The following CASQ2 variants were observed in gnomAD, a reference collection of about 807,000 sequenced individuals.
CASQ2 encodes calsequestrin-2.
CASQ2 carries 49 observed loss-of-function variants against 46.5 expected under a neutral mutation model. The observed-to-expected ratio is 1.05, with a 90% CI of 0.84 to 1.34. The LOEUF (loss-of-function observed/expected upper bound fraction) is 1.34, where lower values mean the gene tolerates loss of function less well. CASQ2 is among the 40% of genes most tolerant of loss of function. The pLI is 0.00. For synonymous variants in CASQ2, 174 were observed against 168.5 expected (o/e 1.03, Z -0.25); for missense variants, 486 against 481.3 (o/e 1.01, Z -0.09).
intron 1 of CASQ2, among the ~76,000 whole-genome samples, chr1:115,761,038 A>G (rs1294793517): frequency 2.0e-5 from 3 of 152,078 alleles, no homozygotes; most frequent in Admixed American, 6.5e-5. Flanking sequence ...GATTTTATAG[A>G]TGATTTTACA....
rs1249557657 is a variant in CASQ2, at chr1:115,700,335, A to T, written c.*906T>A. 1 of 152,552 alleles carries T rather than the reference A, an allele frequency of 6.6e-6. No homozygotes were observed. Among genetic ancestry groups the T allele is most frequent in the African/African-American group, 2.4e-5 (1 of 41,432 alleles). 9.4% of individuals were successfully genotyped at this position (152,552 alleles called of 1,614,324 possible). A position where few individuals can be genotyped will look rare whatever the true frequency, so the allele number is the denominator to read the frequency against. On this transcript the variant is annotated 3_prime_UTR_variant, in exon 11 of 11. Coordinates refer to ENST00000261448, the MANE Select transcript of CASQ2 (RefSeq NM_001232.4). ...GAGTTAATTGACTGCTGGATAAAGC[A>T]ATCTTTAATCTAAATGGGAAGGCTC...
At chr1:115,760,566 G>A (rs1271455690) in intron 1 of CASQ2, among the ~76,000 whole-genome samples, 2 of 152,096 alleles carry the variant, frequency 1.3e-5, no homozygotes, top group African/African-American at 2.4e-5. Flanking sequence ...TCAGCCTTGG[G>A]GTCCACATTT....
chr1:115,726,894 G>C (rs1647611450), intron 6 of CASQ2, 98 bp downstream of exon 6: 1 of 924,636 alleles, frequency 1.1e-6, no homozygotes, highest in African/African-American at 1.6e-5. Flanking sequence ...GTACTAACTA[G>C]GTTGTTGCTC....
At chr1:115,719,122 T>G (rs1044329249) in intron 7 of CASQ2, among the ~76,000 whole-genome samples, 1 of 152,228 alleles carries the variant, frequency 6.6e-6, no homozygotes, top group Non-Finnish European at 1.5e-5. Flanking sequence ...GAGTTTGGAA[T>G]GGACAAAGCC....
At chr1:115,703,065 C>T in intron 9 of CASQ2, 70 bp from the exon 10 acceptor site, 1 of 1,199,018 alleles carries the variant, frequency 8.3e-7, no homozygotes, top group Non-Finnish European at 1.2e-6. Flanking sequence ...CACCCGCCGT[C>T]CCATCACAGT....
rs1003785980 is a variant in CASQ2, at chr1:115,703,131, T to C, written c.940-136A>G. On this transcript the variant is annotated intron_variant, in intron 9 of 10. Transcript: ENST00000261448. ...AAACAGCTGTGAGCACTTAGCAAAT[T>C]GAAGACTTGGCCCCAGCCTTCAAGC... The C allele has an allele frequency of 2.2e-5, 16 of 714,846 alleles. No individual in the cohort carries two copies. The Admixed American group carries it at 3.0e-4, about 14-fold the overall frequency. 44.3% of individuals were successfully genotyped at this position (714,846 alleles called of 1,614,324 possible).
chr1:115,713,949 G>A (rs1264083806), intron 8 of CASQ2, among the ~76,000 whole-genome samples: 1 of 152,206 alleles, frequency 6.6e-6, no homozygotes, highest in Non-Finnish European at 1.5e-5. Flanking sequence ...TTCAAATGTT[G>A]GAGGTGGAGG....
At chr1:115,709,147 G>A (rs1654462236) in intron 8 of CASQ2, among the ~76,000 whole-genome samples, 1 of 152,168 alleles carries the variant, frequency 6.6e-6, no homozygotes, top group Admixed American at 6.5e-5. Context: ...CAGCTAACCT[G>A]GTCTCACATG....
chr1:115,757,369 T>G (rs190943016), intron 1 of CASQ2, among the ~76,000 whole-genome samples: 14 of 152,322 alleles, frequency 9.2e-5, no homozygotes, highest in South Asian at 2.1e-4. Flanking sequence ...TATGAGAGGC[T>G]TTGTTCTCCA....
At chr1:115,735,797 C>T (rs1250803557) in intron 4 of CASQ2, among the ~76,000 whole-genome samples, 34 of 152,018 alleles carry the variant, frequency 2.2e-4, no homozygotes, top group Admixed American at 2.2e-3. Context: ...AACTAAGTGC[C>T]CTTGAAGGAC....
intron 1 of CASQ2, among the ~76,000 whole-genome samples, chr1:115,755,145 G>T (rs1049544073): frequency 1.3e-5 from 2 of 152,218 alleles, no homozygotes; most frequent in African/African-American, 2.4e-5. Context: ...GACAGAATGA[G>T]GGAAGCTGTC....
chr1:115,743,218 T>G (rs1194498987), intron 2 of CASQ2, among the ~76,000 whole-genome samples: 1 of 151,694 alleles, frequency 6.6e-6, no homozygotes, highest in African/African-American at 2.4e-5. Context: ...TATTTATTTA[T>G]TTATTTATTT....
intron 8 of CASQ2, among the ~76,000 whole-genome samples, chr1:115,711,637 G>T (rs1367738455): frequency 6.6e-6 from 1 of 150,626 alleles, no homozygotes; most frequent in East Asian, 1.9e-4. Flanking sequence ...GATGGGAAGG[G>T]TTTTTGTTTG....
At chr1:115,737,284 G>A (rs1434036047) in intron 4 of CASQ2, among the ~76,000 whole-genome samples, 1 of 152,152 alleles carries the variant, frequency 6.6e-6, no homozygotes, top group Non-Finnish European at 1.5e-5. Flanking sequence ...GTTAAGTTGG[G>A]GCATGGGAGA....
At chr1:115,727,244 T>A in intron 5 of CASQ2, 122 bp from the exon 6 acceptor site, 1 of 762,070 alleles carries the variant, frequency 1.3e-6, no homozygotes, top group Non-Finnish European at 2.2e-6. Context: ...TGTACAGTTT[T>A]AACTTCAATG....
intron 8 of CASQ2, among the ~76,000 whole-genome samples, chr1:115,711,101 T>C (rs1470692624): frequency 6.6e-6 from 1 of 152,160 alleles, no homozygotes; most frequent in African/African-American, 2.4e-5. Context: ...TGCCCTGCTA[T>C]CTGTCCTCAT....
At chr1:115,703,956 A>G (rs1215740646) in intron 9 of CASQ2, among the ~76,000 whole-genome samples, 2 of 152,198 alleles carry the variant, frequency 1.3e-5, no homozygotes, top group East Asian at 3.9e-4. Context: ...ACTGCAAACC[A>G]TCTGCAAGCT....
Position 115,700,932 on chromosome 1 carries a change from T to G in CASQ2, c.*309A>C. 1 of 604,490 alleles carries G rather than the reference T, an allele frequency of 1.7e-6. No individual in the cohort carries two copies. The highest frequency in any genetic ancestry group is 2.9e-6 in the Non-Finnish European group (1 of 340,390). The allele number at this position is 604,490 out of a possible 1,614,324, so 37.4% of individuals were successfully genotyped here. ...ACTTGTGTTAGGGGATTGTTCACCC[T>G]AGACTGCCATGTTCAGGCACTGCCA... On this transcript the variant is annotated 3_prime_UTR_variant, in exon 11 of 11. Transcript: ENST00000261448.
At chr1:115,742,828 T>G (rs7528122) in intron 2 of CASQ2, among the ~76,000 whole-genome samples, 107,969 of 151,906 alleles carry the variant, frequency 0.71, 42,102 homozygotes, top group Non-Finnish European at 0.88. Context: ...TCGCTCTGTC[T>G]CCCAGGCTGG....
Sources: gnomAD v4.1 joint callset for allele counts (sites outside exome capture counted in the v4.1 genomes callset) on GRCh38, gnomAD v4.1.1 for gene constraint, MANE v1.5 for transcripts, NCBI Gene and HGNC (gene_info 2026-07-23, HGNC 2026-07-21) for gene names.